Variants in DIDO1 observed in about 807,000 individuals in gnomAD.
DIDO1 encodes the protein death-inducer obliterator 1.
DIDO1 carries 16 observed loss-of-function variants against 99.4 expected under a neutral mutation model. The observed-to-expected ratio is 0.16, with a 90% CI of 0.11 to 0.24. The LOEUF (loss-of-function observed/expected upper bound fraction) is 0.24. Among genes scored for constraint, DIDO1 ranks in the 10% least tolerant of loss-of-function variants. DIDO1 has a pLI of 1.00. For synonymous variants in DIDO1, 1,366 were observed against 1,239.1 expected, an observed-to-expected ratio of 1.10 and a Z score of -2.15; for missense variants, 2,996 against 3,014.0, an observed-to-expected ratio of 0.99 and a Z score of 0.14.
rs150417227 is a variant in DIDO1 at position 62,894,140 on chromosome 20, G to C, written c.2627C>G (p.Ala876Gly). The C allele has an allele frequency of 2.5e-6, 4 of 1,614,182 alleles. No individual in the cohort carries two copies. The East Asian group carries it at 6.7e-5, about 27-fold the overall frequency. The change falls in exon 12 of 16, where the codon GCT becomes GGT. Residue 876 changes from alanine (A) to glycine (G), a missense_variant. Ala to Gly is a moderately conservative substitution (Grantham distance 60). Transcript: ENST00000395343. This position sits in a 1 kb window ranked among gnomAD's most constrained non-coding sequence, Gnocchi z 4.4. ...TTTTAAGTCTTCTTTCTTAACAGAA[G>C]CTGACAATTTTTGTTTTTTCGGAGC... ...EPAPKKQKLS[A>G]SVKKEDLKSK...
rs887521895 is a variant in DIDO1 at position 62,924,639 on chromosome 20, G to A, written c.-200+1800C>T. 2.6e-5 allele frequency among the ~76,000 whole-genome samples: 4 copies of A among 152,134 alleles called. No individual in the cohort carries two copies. In the East Asian group the frequency reaches 7.7e-4, roughly 29 times the overall value. ...CATTCCAATCATTTCCTCCTTACAT[G>A]AAGAAACCCCAGCACCCTCCAAGGC... On this transcript the variant is annotated intron_variant, in intron 1 of 15. Transcript: ENST00000395343.
Position 62,880,098 on chromosome 20 carries a change from G to A in DIDO1, c.5858C>T (p.Pro1953Leu), listed in dbSNP as rs2064173258. 1 of 1,612,366 alleles carries A rather than the reference G, an allele frequency of 6.2e-7. No individual in the cohort carries two copies. Among genetic ancestry groups the A allele is most frequent in the Admixed American group, 1.7e-5 (1 of 60,018 alleles). The change falls in exon 16 of 16, where the codon CCT (proline) becomes CTT (leucine). Residue 1953 changes from proline to leucine, a missense_variant. Pro to Leu is a moderately conservative substitution (Grantham distance 98). Transcript: ENST00000395343. ...GCCCCTGGGACCTGGCATAAAGTTA[G>A]GCGCTTGGCCTCTGGGTCCTTCAAA... ...NQFEGPRGQAPNFMPGPRGIQ... is the reference protein window; with the variant it reads ...NQFEGPRGQALNFMPGPRGIQ...
At chr20:62,935,575 A>G (rs1336368383) in intron 1 of DIDO1, among the ~76,000 whole-genome samples, 2 of 152,136 alleles carry the variant, frequency 1.3e-5, no homozygotes, top group East Asian at 3.9e-4. Flanking sequence ...GAGTTAGCCT[A>G]GGGAAGGCTG....
At chr20:62,886,605 C>T (rs2064301200) in intron 15 of DIDO1, among the ~76,000 whole-genome samples, 2 of 152,132 alleles carry the variant, frequency 1.3e-5, no homozygotes, top group Non-Finnish European at 1.5e-5. Flanking sequence ...ACCCTCGGTA[C>T]TGAACCTGAG....
rs1601005021 is a variant in DIDO1, at chr20:62,912,426, T to C, written c.-2-812A>G. Among the ~76,000 whole-genome samples, 4 of 138,416 alleles carry C rather than the reference T, an allele frequency of 2.9e-5. No homozygotes were observed. In the South Asian group the frequency reaches 9.5e-4, roughly 33 times the overall value. The allele number at this position is 138,416 out of a possible 152,430, so 90.8% of individuals were successfully genotyped here. On this transcript the variant is annotated intron_variant, in intron 2 of 15. Coordinates refer to ENST00000395343, the MANE Select transcript of DIDO1 (RefSeq NM_001193369.2). The stretch of plus-strand genomic sequence containing the variant: ...GTCAAGGCGATCACTTTAAGGTATA[T>C]TTCTTTTTTTTTTTTTTTGAGACGG...
rs2064832889 is a variant in DIDO1 at position 62,907,454 on chromosome 20, CCA to C, written c.1162-97_1162-96del. On this transcript the variant is annotated intron_variant, in intron 4 of 15. Transcript: ENST00000395343. Reference sequence around the variant, plus strand: ...AAAATCACCATTTATAGTACCAAGGCCACAGTTTCAAAATGAGATACTAACAG... The same window carrying C: ...AAAATCACCATTTATAGTACCAAGGCCAGTTTCAAAATGAGATACTAACAG... 2.5e-6 allele frequency: 3 copies of C among 1,192,504 alleles called. No homozygotes were observed. The South Asian group carries it at 4.1e-5, about 16-fold the overall frequency. The allele number at this position is 1,192,504 out of a possible 1,614,324, so 73.9% of individuals were successfully genotyped here.
At chr20:62,903,488 G>C (rs1176312716) in intron 6 of DIDO1, among the ~76,000 whole-genome samples, 1 of 152,172 alleles carries the variant, frequency 6.6e-6, no homozygotes, top group Admixed American at 6.5e-5. Flanking sequence ...GGCGAGCTCC[G>C]TGGCCAGCCA....
At chr20:62,888,134 C>G (rs577091391) in intron 15 of DIDO1, 19 of 985,382 alleles carry the variant, frequency 1.9e-5, no homozygotes, top group Non-Finnish European at 2.3e-5. Flanking sequence ...CACCTTCAGG[C>G]CTTCACTTGC....
intron 1 of DIDO1, among the ~76,000 whole-genome samples, chr20:62,932,287 G>C (rs955296337): frequency 6.6e-6 from 1 of 152,232 alleles, no homozygotes; most frequent in African/African-American, 2.4e-5. Flanking sequence ...GAGCCCAGGA[G>C]TTGAAGGCCA....
chr20:62,926,569 T>TG (rs1260066187), upstream of DIDO1: 1 of 150,676 alleles, frequency 6.6e-6, no homozygotes, highest in Non-Finnish European at 1.5e-5. Context: ...ACCGAGACGC[T>TG]GCGGGGCTAG....
chr20:62,881,731 C>T lies in DIDO1; in HGVS notation c.4225G>A (p.Glu1409Lys), dbSNP rs770549757. 5 of 1,613,034 alleles carry T rather than the reference C, an allele frequency of 3.1e-6. No individual in the cohort carries two copies. Among genetic ancestry groups the T allele is most frequent in the East Asian group, 2.2e-5 (1 of 44,868 alleles). ...TQLVERGRRHEVERAPEAAAA... is the reference protein window; with the variant it reads ...TQLVERGRRHKVERAPEAAAA... ...GCTGCTTCAGGAGCCCTTTCCACCTCGTGGCGCCGCCCTCGCTCCACAAGC... is the reference window on the plus strand; with the variant it reads ...GCTGCTTCAGGAGCCCTTTCCACCTTGTGGCGCCGCCCTCGCTCCACAAGC... Residue 1409 changes from glutamate to lysine, a missense_variant, in exon 16 of 16, where the codon GAG becomes AAG. By Grantham distance (56) the Glu-to-Lys change is moderately conservative. Transcript: ENST00000395343. This position sits in a 1 kb window ranked among gnomAD's most constrained non-coding sequence, Gnocchi z 8.3.
intron 1 of DIDO1, among the ~76,000 whole-genome samples, chr20:62,934,159 C>T (rs749813): frequency 0.23 from 34,866 of 152,008 alleles, 4,243 homozygotes; most frequent in East Asian, 0.33. Context: ...TCTCCTGTCC[C>T]GGGACCCACC....
chr20:62,920,434 G>C (rs1421717355), intron 1 of DIDO1, among the ~76,000 whole-genome samples: 7 of 152,178 alleles, frequency 4.6e-5, no homozygotes, highest in African/African-American at 1.7e-4. Context: ...GGCACTTTGA[G>C]GGAGAGGTGT....
chr20:62,887,180 C>A, intron 15 of DIDO1: 1 of 985,460 alleles, frequency 1.0e-6, no homozygotes, highest in Non-Finnish European at 1.2e-6. Flanking sequence ...CCAGGAGCCA[C>A]CAAATGGTTC....
chr20:62,905,493 G>A, intron 6 of DIDO1: 1 of 1,550,708 alleles, frequency 6.4e-7, no homozygotes. Context: ...AGCGTATACA[G>A]CGCTGTTGTC....
intron 15 of DIDO1, among the ~76,000 whole-genome samples, chr20:62,883,007 C>T (rs2064239480): frequency 7.0e-6 from 1 of 143,206 alleles, no homozygotes; most frequent in Non-Finnish European, 1.5e-5. Flanking sequence ...ACTATAACCT[C>T]TGCTTTCCAG....
rs2064730554 is a variant in DIDO1, at chr20:62,903,500, G to C, written c.1588+2387C>G. ...GAGGGCGAGCTCCGTGGCCAGCCAG[G>C]GAGGCAGGGCAGGGGCCTCAAAGGC... On this transcript the variant is annotated intron_variant, in intron 6 of 15. Transcript: ENST00000395343. Among the ~76,000 whole-genome samples the C allele has an allele frequency of 7.2e-5, 11 of 152,210 alleles. No individual in the cohort carries two copies. The South Asian group carries it at 2.3e-3, about 31-fold the overall frequency.
chr20:62,894,355 T>C lies in DIDO1; in HGVS notation c.2572+58A>G, dbSNP rs1272155597. 2 of 1,594,156 alleles carry C rather than the reference T, an allele frequency of 1.3e-6. No individual in the cohort carries two copies. The highest frequency in any genetic ancestry group is 4.5e-5 in the East Asian group (2 of 44,610). ...GTTGCTTTTAGGAGGTTCAGTGATT[T>C]TTAACAAAATCAAGTTTAGTCTCAG... On this transcript the variant is annotated intron_variant, in intron 11 of 15. Transcript: ENST00000395343. This position sits in a 1 kb window ranked among gnomAD's most constrained non-coding sequence, Gnocchi z 4.4.
At chr20:62,936,701 T>A (rs994715249) in intron 1 of DIDO1, among the ~76,000 whole-genome samples, 1 of 149,742 alleles carries the variant, frequency 6.7e-6, no homozygotes, top group African/African-American at 2.5e-5. Context: ...CCGTCTCTAC[T>A]AAAAATACAA....
Sources: allele counts gnomAD v4.1 joint callset (sites outside exome capture counted in the v4.1 genomes callset), GRCh38; gene constraint gnomAD v4.1.1; non-coding constraint Gnocchi (gnomAD v3.1); transcripts MANE v1.5; gene names NCBI Gene and HGNC (gene_info 2026-07-23, HGNC 2026-07-21).